The following SSH2 variants were observed in gnomAD, a reference collection of about 807,000 sequenced individuals.
SSH2 encodes the protein slingshot protein phosphatase 2.
SSH2 carries 37 observed loss-of-function variants against 135.2 expected under a neutral mutation model. That is an observed-to-expected ratio of 0.27 (90% CI 0.21 to 0.36). The LOEUF (loss-of-function observed/expected upper bound fraction) is 0.36. Ranked by LOEUF, SSH2 falls within the 10% of genes least tolerant of loss-of-function variation. The pLI is 1.00. For synonymous variants in SSH2, 628 were observed against 646.2 expected (o/e 0.97, Z 0.43); for missense variants, 1,408 against 1,765.3 (o/e 0.80, Z 3.63).
At chr17:29,744,860 A>AGAGTGTGTGT (rs1165435546) in intron 3 of SSH2, among the ~76,000 whole-genome samples, 6 of 140,426 alleles carry the variant, frequency 4.3e-5, no homozygotes, top group African/African-American at 1.7e-4. Flanking sequence ...GGATTACTTG[A>AGAGTGTGTGT]GTGTGTGTGT....
intron 5 of SSH2, among the ~76,000 whole-genome samples, chr17:29,686,140 C>T (rs892996025): frequency 3.3e-5 from 5 of 151,870 alleles, no homozygotes; most frequent in Non-Finnish European, 2.9e-5. Flanking sequence ...TGAGCCACCG[C>T]GCCCAGCCTT....
intron 3 of SSH2, among the ~76,000 whole-genome samples, chr17:29,767,707 C>T (rs1471666518): frequency 6.6e-6 from 1 of 151,918 alleles, no homozygotes; most frequent in Non-Finnish European, 1.5e-5. Context: ...ATACCTTAGA[C>T]ATTTTTCCAT....
intron 2 of SSH2, among the ~76,000 whole-genome samples, chr17:29,831,034 G>C (rs973268687): frequency 5.9e-5 from 9 of 152,158 alleles, no homozygotes; most frequent in African/African-American, 2.2e-4. Flanking sequence ...CGTGCCAGTG[G>C]ATTTTAATTT....
chr17:29,667,351 G>C (rs996858568), intron 9 of SSH2, 128 bp from the exon 10 acceptor site: 10 of 716,954 alleles, frequency 1.4e-5, no homozygotes, highest in Non-Finnish European at 2.1e-5. Context: ...ATCGGTTCTA[G>C]AGATCAACAA....
chr17:29,895,313 A>G (rs1307001486), intron 1 of SSH2, among the ~76,000 whole-genome samples: 2 of 92,868 alleles, frequency 2.2e-5, no homozygotes, highest in East Asian at 2.9e-4. Flanking sequence ...TGAAATATAT[A>G]AAATATATTT....
chr17:29,690,144 C>T (rs923377683), intron 5 of SSH2, among the ~76,000 whole-genome samples: 25 of 152,106 alleles, frequency 1.6e-4, no homozygotes, highest in African/African-American at 5.6e-4. Flanking sequence ...TGGCTCACGC[C>T]TATAATCCCA....
chr17:29,833,712 TC>T (rs2042890398), intron 2 of SSH2, among the ~76,000 whole-genome samples: 1 of 96,696 alleles, frequency 1.0e-5, no homozygotes, highest in South Asian at 5.4e-4. Context: ...TCCCTCTCTT[TC>T]CCTCCTTCCC....
chr17:29,631,447 C>G lies in SSH2; in HGVS notation c.3747G>C (p.Lys1249Asn), dbSNP rs751153089. 1.2e-6 allele frequency: 2 copies of G among 1,614,154 alleles called. No homozygotes were observed. The highest frequency in any genetic ancestry group is 1.6e-4 in the Middle Eastern group (1 of 6,062). Reference protein sequence around the residue: ...LPHSSSSENIKSLSHSPGVVK... With the variant: ...LPHSSSSENINSLSHSPGVVK... ...CCACACCGGGGCTGTGGCTGAGACT[C>G]TTTATGTTTTCACTACTAGAGCTAT... The change falls in exon 16 of 16, where the codon AAG (lysine) becomes AAC (asparagine). Residue 1249 changes from lysine (K) to asparagine (N), a missense_variant. Lys to Asn is a moderately conservative substitution (Grantham distance 94). Transcript: ENST00000540801.
chr17:29,854,295 G>A, intron 1 of SSH2, among the ~76,000 whole-genome samples: 1 of 151,746 alleles, frequency 6.6e-6, no homozygotes. Flanking sequence ...AGTAGCTAAG[G>A]TAAAACACCA....
chr17:29,643,188 T>C (rs1028134296), intron 14 of SSH2: 26 of 985,100 alleles, frequency 2.6e-5, no homozygotes, highest in Non-Finnish European at 3.0e-5. Flanking sequence ...AGATCTGGAG[T>C]GGTACTTTGG....
Position 29,703,044 on chromosome 17 carries a change from T to G in SSH2, c.207A>C (p.Leu69=). 6.2e-7 allele frequency: 1 copy of G among 1,613,342 alleles called. No individual in the cohort carries two copies. Among genetic ancestry groups the G allele is most frequent in the Non-Finnish European group, 8.5e-7 (1 of 1,179,312 alleles). Reference sequence around the variant, plus strand: ...GAAAAAGGGCAGCACCTTTGACAGTTAGAAAGCTCTCGCTGATGCTACAAG... The same window carrying G: ...GAAAAAGGGCAGCACCTTTGACAGTGAGAAAGCTCTCGCTGATGCTACAAG... ...SQPRSISESF[L]TVKGAALFLP... is the part of the protein sequence containing the mutation. Residue 69 remains leucine (L), a synonymous_variant, in exon 4 of 16, where the codon CTA becomes CTC. Coordinates refer to ENST00000540801, the MANE Select transcript of SSH2 (RefSeq NM_001282129.2).
Position 29,720,772 on chromosome 17 carries a change from G to A in SSH2, c.189-17710C>T, listed in dbSNP as rs539504030. ...GATGGAGGAGGAGGAACAGGAGGAG[G>A]AAGAGAAAAAAATAGCAAAAGGCAA... On this transcript the variant is annotated intron_variant, in intron 3 of 15. Coordinates refer to ENST00000540801, the MANE Select transcript of SSH2 (RefSeq NM_001282129.2). Among the ~76,000 whole-genome samples, 547 of 152,104 alleles carry A rather than the reference G, an allele frequency of 3.6e-3. 2 individuals carry two copies. Among genetic ancestry groups the A allele is most frequent in the African/African-American group, 0.012 (500 of 41,492 alleles).
chr17:29,845,631 G>A (rs972526842), intron 2 of SSH2, among the ~76,000 whole-genome samples: 1 of 152,268 alleles, frequency 6.6e-6, no homozygotes, highest in South Asian at 2.1e-4. Flanking sequence ...GACAGAGTCT[G>A]ACTCTGCTGT....
chr17:29,866,877 G>T (rs1372676686), intron 1 of SSH2, among the ~76,000 whole-genome samples: 1 of 152,044 alleles, frequency 6.6e-6, no homozygotes, highest in Non-Finnish European at 1.5e-5. Context: ...CTGTTGCCCA[G>T]GCTGGAGTGC....
intron 3 of SSH2, among the ~76,000 whole-genome samples, chr17:29,771,463 A>T (rs934423429): frequency 6.6e-6 from 1 of 152,216 alleles, no homozygotes; most frequent in Admixed American, 6.5e-5. Flanking sequence ...GCTCTAGTAA[A>T]TATTTCCTTA....
At chr17:29,697,590 T>G (rs948932822) in intron 4 of SSH2, among the ~76,000 whole-genome samples, 1 of 152,090 alleles carries the variant, frequency 6.6e-6, no homozygotes, top group Non-Finnish European at 1.5e-5. Context: ...TAGTGAGCTA[T>G]GATCATGCCA....
In SSH2 at chr17:29,801,615, C is replaced by A. The variant is rs1282383517; in HGVS notation, c.145-7678G>T. 2.0e-5 allele frequency among the ~76,000 whole-genome samples: 3 copies of A among 152,306 alleles called. No homozygotes were observed. In the East Asian group the frequency reaches 5.8e-4, roughly 29 times the overall value. On this transcript the variant is annotated intron_variant, in intron 2 of 15. Coordinates refer to ENST00000540801, the MANE Select transcript of SSH2 (RefSeq NM_001282129.2). ...TCCAAACCTAACGGTTGCTGTGCAT[C>A]ATTTTTGCGACACTACCAGTTCTGT...
Position 29,632,725 on chromosome 17 carries a change from T to C in SSH2, c.2469A>G (p.Pro823=). ...HELLLERAQT[P]ENKPGHMEQD... is the part of the protein sequence containing the mutation. ...GCTCCATATGTCCAGGTTTGTTCTC[T>C]GGAGTCTGGGCCCTCTCAAGGAGCA... The change falls in exon 16 of 16, where the codon CCA becomes CCG. Residue 823 remains proline (P), a synonymous_variant. Transcript: ENST00000540801. 6.2e-7 allele frequency: 1 copy of C among 1,614,164 alleles called. No individual in the cohort carries two copies. Among genetic ancestry groups the C allele is most frequent in the Non-Finnish European group, 8.5e-7 (1 of 1,180,030 alleles).
intron 2 of SSH2, among the ~76,000 whole-genome samples, chr17:29,823,827 C>T (rs528012167): frequency 2.1e-5 from 3 of 140,780 alleles, no homozygotes; most frequent in South Asian, 4.5e-4. Flanking sequence ...TGCAGTGAAC[C>T]GAGATCATGC....
Sources: allele counts gnomAD v4.1 joint callset (sites outside exome capture counted in the v4.1 genomes callset), GRCh38; gene constraint gnomAD v4.1.1; transcripts MANE v1.5; gene names NCBI Gene and HGNC (gene_info 2026-07-23, HGNC 2026-07-21).